EPHB1: variants seen among roughly 807,000 people sequenced by gnomAD.
EPHB1 encodes EPH receptor B1.
Under a neutral mutation model 94.4 loss-of-function variants are expected in EPHB1, and 30 were observed. That is an observed-to-expected ratio of 0.32 (90% CI 0.24 to 0.43). The LOEUF is 0.43. EPHB1 is among the 20% of genes least tolerant of loss of function. The pLI is 1.00. For missense variants in EPHB1, 1,055 were observed against 1,308.3 expected, an observed-to-expected ratio of 0.81 and a Z score of 2.99; for synonymous variants, 522 against 489.1, an observed-to-expected ratio of 1.07 and a Z score of -0.89.
At chr3:134,850,341 AGAG>A (rs1258539091) in intron 1 of EPHB1, among the ~76,000 whole-genome samples, 1 of 152,130 alleles carries the variant, frequency 6.6e-6, no homozygotes, top group Non-Finnish European at 1.5e-5. Context: ...CCCCAGAGAG[AGAG>A]GAGAGGTGGC....
At chr3:135,176,368 G>A (rs944681503) in intron 9 of EPHB1, among the ~76,000 whole-genome samples, 3 of 152,182 alleles carry the variant, frequency 2.0e-5, no homozygotes, top group Admixed American at 6.5e-5. Flanking sequence ...CAGGGGAAAC[G>A]AGTACTGAGT....
intron 12 of EPHB1, among the ~76,000 whole-genome samples, chr3:135,214,750 T>C (rs1337799406): frequency 6.6e-6 from 1 of 152,212 alleles, no homozygotes; most frequent in Non-Finnish European, 1.5e-5. Context: ...CTGAAATCTG[T>C]AGGGCCCTTC....
At chr3:135,217,791 C>G (rs1450812030) in intron 12 of EPHB1, among the ~76,000 whole-genome samples, 1 of 152,092 alleles carries the variant, frequency 6.6e-6, no homozygotes, top group Non-Finnish European at 1.5e-5. Context: ...CAAGATAATC[C>G]TTTCTGCAAG....
At chr3:134,962,096 C>CCAG (rs1559773400) in intron 3 of EPHB1, among the ~76,000 whole-genome samples, 1 of 152,146 alleles carries the variant, frequency 6.6e-6, no homozygotes, top group East Asian at 1.9e-4. Context: ...TTTGTTCCCA[C>CCAG]CAGCAGTGTT....
chr3:135,036,058 C>T (rs1936635622), intron 3 of EPHB1, among the ~76,000 whole-genome samples: 1 of 152,180 alleles, frequency 6.6e-6, no homozygotes, highest in Non-Finnish European at 1.5e-5. Flanking sequence ...TCACTATTTC[C>T]ACATACATCC....
At chr3:135,114,335 T>C (rs1206394819) in intron 4 of EPHB1, among the ~76,000 whole-genome samples, 1 of 151,976 alleles carries the variant, frequency 6.6e-6, no homozygotes, top group Non-Finnish European at 1.5e-5. Flanking sequence ...CTTTTCTGTC[T>C]TCATTTCCTA....
intron 3 of EPHB1, among the ~76,000 whole-genome samples, chr3:134,970,520 G>A (rs1559776919): frequency 6.6e-6 from 1 of 152,140 alleles, no homozygotes; most frequent in Non-Finnish European, 1.5e-5. Flanking sequence ...GAGCTTTACT[G>A]ATTTATGATG....
Position 135,228,454 on chromosome 3 carries a change from C to G in EPHB1, c.2347-12694C>G, listed in dbSNP as rs530060853. 2.0e-5 allele frequency among the ~76,000 whole-genome samples: 3 copies of G among 152,092 alleles called. No individual in the cohort carries two copies. The East Asian group carries it at 5.8e-4, about 29-fold the overall frequency. On this transcript the variant is annotated intron_variant, in intron 12 of 15. Coordinates refer to ENST00000398015, the MANE Select transcript of EPHB1 (RefSeq NM_004441.5). ...TTGGTAGCTGTTTATTCCCCCAAAG[C>G]CTTTTGCCAATTTATATTCTTGCAT... is the stretch of plus-strand genomic sequence containing the variant.
intron 1 of EPHB1, among the ~76,000 whole-genome samples, chr3:134,838,398 T>C (rs2108295755): frequency 6.6e-6 from 1 of 152,272 alleles, no homozygotes; most frequent in East Asian, 1.9e-4. Flanking sequence ...GGCTTCTTGA[T>C]TTCCTGTTCT....
chr3:135,048,690 C>T (rs1460983560), intron 3 of EPHB1, among the ~76,000 whole-genome samples: 1 of 152,202 alleles, frequency 6.6e-6, no homozygotes, highest in Non-Finnish European at 1.5e-5. Context: ...CACATGCTGG[C>T]ATCTAGCCAC....
At chr3:134,832,898 C>T (rs1281001174) in intron 1 of EPHB1, among the ~76,000 whole-genome samples, 1 of 152,202 alleles carries the variant, frequency 6.6e-6, no homozygotes, top group Non-Finnish European at 1.5e-5. Context: ...TTTAATGTTG[C>T]GTTCAATCAC....
intron 12 of EPHB1, among the ~76,000 whole-genome samples, chr3:135,220,736 G>A (rs534201325): frequency 9.9e-5 from 15 of 152,086 alleles, no homozygotes; most frequent in Admixed American, 5.2e-4. Context: ...ACAAGGGCAA[G>A]GCTGGTATTT....
At chr3:135,063,997 T>C (rs1249816358) in intron 3 of EPHB1, among the ~76,000 whole-genome samples, 1 of 152,244 alleles carries the variant, frequency 6.6e-6, no homozygotes, top group Admixed American at 6.5e-5. Context: ...GTATTACATT[T>C]ATTGACTTGT....
At chr3:134,924,611 G>A (rs958280619) in intron 1 of EPHB1, among the ~76,000 whole-genome samples, 8 of 152,102 alleles carry the variant, frequency 5.3e-5, no homozygotes, top group African/African-American at 1.4e-4. Flanking sequence ...AAATATGGAG[G>A]AACTGGAACT....
chr3:135,190,388 G>A (rs745941298), intron 10 of EPHB1, among the ~76,000 whole-genome samples: 2 of 152,068 alleles, frequency 1.3e-5, no homozygotes, highest in Non-Finnish European at 2.9e-5. Flanking sequence ...ATGACAACAA[G>A]GAAGAAATAC....
chr3:135,222,023 T>A (rs929168819), intron 12 of EPHB1, among the ~76,000 whole-genome samples: 1 of 152,178 alleles, frequency 6.6e-6, no homozygotes, highest in Admixed American at 6.6e-5. Context: ...GATCCTAATA[T>A]AAAATTTCAC....
intron 12 of EPHB1, among the ~76,000 whole-genome samples, chr3:135,236,366 C>A (rs1463918033): frequency 6.6e-6 from 1 of 152,006 alleles, no homozygotes; most frequent in Non-Finnish European, 1.5e-5. Flanking sequence ...TCATCCTAAT[C>A]CAGTATGATG....
At chr3:135,018,962 C>T (rs1384907804) in intron 3 of EPHB1, among the ~76,000 whole-genome samples, 1 of 152,124 alleles carries the variant, frequency 6.6e-6, no homozygotes, top group East Asian at 1.9e-4. Flanking sequence ...GAGGCTGTGC[C>T]TTGGAGAGGC....
chr3:135,150,492 C>G (rs1297267611), intron 5 of EPHB1, among the ~76,000 whole-genome samples: 1 of 152,246 alleles, frequency 6.6e-6, no homozygotes, highest in Non-Finnish European at 1.5e-5. Flanking sequence ...AGGCCATTCA[C>G]ATATTTAACC....
Sources: allele counts gnomAD v4.1 joint callset (sites outside exome capture counted in the v4.1 genomes callset), GRCh38; gene constraint gnomAD v4.1.1; transcripts MANE v1.5; gene names NCBI Gene and HGNC (gene_info 2026-07-23, HGNC 2026-07-21).